Variants in ITFG1 observed in about 807,000 individuals in gnomAD.
The protein encoded by ITFG1 is T-cell immunomodulatory protein.
A neutral mutation model predicts 81.8 loss-of-function variants in ITFG1; 34 were observed. That is an observed-to-expected ratio of 0.42 (90% CI 0.32 to 0.55). The LOEUF (loss-of-function observed/expected upper bound fraction) is 0.55, where lower values mean the gene tolerates loss of function less well. Among genes scored for constraint, ITFG1 ranks in the 20% least tolerant of loss-of-function variants. The pLI is 0.17. For synonymous variants in ITFG1, 285 were observed against 270.6 expected (o/e 1.05, Z -0.52); for missense variants, 672 against 755.4 (o/e 0.89, Z 1.29).
intron 12 of ITFG1, 103 bp downstream of exon 12, chr16:47,258,529 C>A: frequency 1.6e-6 from 1 of 634,952 alleles, no homozygotes. Context: ...ACTGGTTGAT[C>A]TGATCTAGAG....
intron 14 of ITFG1, among the ~76,000 whole-genome samples, chr16:47,194,299 G>A (rs576701331): frequency 6.6e-6 from 1 of 152,310 alleles, no homozygotes; most frequent in East Asian, 1.9e-4. Context: ...ATTTTCAAAT[G>A]TATATGTCTG....
intron 14 of ITFG1, among the ~76,000 whole-genome samples, chr16:47,217,838 T>C (rs1298014538): frequency 1.3e-5 from 2 of 152,126 alleles, no homozygotes; most frequent in Non-Finnish European, 2.9e-5. Flanking sequence ...GGCAGGAGAA[T>C]GGCGGGAACC....
chr16:47,279,413 G>A (rs1417941994), intron 10 of ITFG1, among the ~76,000 whole-genome samples: 2 of 151,900 alleles, frequency 1.3e-5, no homozygotes, highest in Non-Finnish European at 2.9e-5. Flanking sequence ...TTGAAAAAGA[G>A]ACTACACTTC....
intron 12 of ITFG1, among the ~76,000 whole-genome samples, chr16:47,257,023 A>C (rs1013708817): frequency 6.6e-6 from 1 of 152,216 alleles, no homozygotes; most frequent in African/African-American, 2.4e-5. Flanking sequence ...CAAAGCATCT[A>C]CCAAAAAACT....
At chr16:47,424,971 G>C (rs1395774974) in intron 6 of ITFG1, among the ~76,000 whole-genome samples, 2 of 152,188 alleles carry the variant, frequency 1.3e-5, no homozygotes, top group Non-Finnish European at 2.9e-5. Context: ...TCTCTTCAGA[G>C]CTGTCAGACA....
intron 14 of ITFG1, among the ~76,000 whole-genome samples, chr16:47,176,857 G>GT: frequency 1.3e-5 from 2 of 152,048 alleles, no homozygotes; most frequent in Admixed American, 1.3e-4. Flanking sequence ...TTTGATAAGT[G>GT]ATAAAATTAA....
At chr16:47,298,512 T>C (rs975589169) in intron 10 of ITFG1, among the ~76,000 whole-genome samples, 2 of 152,164 alleles carry the variant, frequency 1.3e-5, no homozygotes, top group African/African-American at 4.8e-5. Flanking sequence ...ACTATGATGT[T>C]ATGTAGGGCT....
chr16:47,292,612 T>G (rs954591133), intron 10 of ITFG1, among the ~76,000 whole-genome samples: 1 of 152,190 alleles, frequency 6.6e-6, no homozygotes, highest in Admixed American at 6.5e-5. Context: ...ATCACTTGAA[T>G]AGTGTACATT....
At chr16:47,456,058 G>A (rs568488033) in intron 2 of ITFG1, among the ~76,000 whole-genome samples, 15 of 152,078 alleles carry the variant, frequency 9.9e-5, no homozygotes, top group Non-Finnish European at 1.8e-4. Flanking sequence ...AGCATAATAA[G>A]TAAAGAATAA....
At chr16:47,319,549 A>G (rs962369822) in intron 8 of ITFG1, among the ~76,000 whole-genome samples, 2 of 152,220 alleles carry the variant, frequency 1.3e-5, no homozygotes, top group African/African-American at 4.8e-5. Flanking sequence ...TGTTTTACGC[A>G]TATTTTCCAA....
chr16:47,389,447 A>G (rs1968503990), intron 6 of ITFG1, among the ~76,000 whole-genome samples: 1 of 152,224 alleles, frequency 6.6e-6, no homozygotes, highest in African/African-American at 2.4e-5. Flanking sequence ...GCAATGGACC[A>G]AGAAAATGAC....
chr16:47,223,826 C>T (rs530075433), intron 13 of ITFG1, among the ~76,000 whole-genome samples: 14 of 152,160 alleles, frequency 9.2e-5, no homozygotes, highest in East Asian at 3.9e-4. Context: ...AAATGTCCAA[C>T]GATGATAGAC....
At chr16:47,303,973 T>C (rs190883327) in intron 10 of ITFG1, among the ~76,000 whole-genome samples, 1 of 152,250 alleles carries the variant, frequency 6.6e-6, no homozygotes, top group East Asian at 1.9e-4. Flanking sequence ...ATTCTACCCT[T>C]ACTTAAATTA....
At chr16:47,179,400 C>G (rs1049590419) in intron 14 of ITFG1, among the ~76,000 whole-genome samples, 7 of 152,016 alleles carry the variant, frequency 4.6e-5, no homozygotes, top group South Asian at 2.1e-4. Context: ...TGCAGCACAC[C>G]AACATGGCAC....
At chr16:47,188,624 G>C (rs1185563173) in intron 14 of ITFG1, among the ~76,000 whole-genome samples, 3 of 106,282 alleles carry the variant, frequency 2.8e-5, no homozygotes, top group South Asian at 8.8e-4. Flanking sequence ...GGGGTGGGGG[G>C]AGGGGGGAGG....
At chr16:47,375,542 T>C (rs1448467653) in intron 7 of ITFG1, among the ~76,000 whole-genome samples, 1 of 152,222 alleles carries the variant, frequency 6.6e-6, no homozygotes, top group African/African-American at 2.4e-5. Flanking sequence ...TAAAATAGTT[T>C]TTTTTCATAA....
intron 14 of ITFG1, among the ~76,000 whole-genome samples, chr16:47,198,368 A>G (rs2151519744): frequency 6.6e-6 from 1 of 152,318 alleles, no homozygotes; most frequent in Non-Finnish European, 1.5e-5. Context: ...CTTAGCTGTC[A>G]TGATGTCATA....
chr16:47,182,828 G>A (rs1318051416), intron 14 of ITFG1, among the ~76,000 whole-genome samples: 1 of 152,212 alleles, frequency 6.6e-6, no homozygotes, highest in African/African-American at 2.4e-5. Context: ...CGCAGAAGAC[G>A]GGTGATTTCT....
chr16:47,187,237 T>C (rs1456231494), intron 14 of ITFG1, among the ~76,000 whole-genome samples: 2 of 152,210 alleles, frequency 1.3e-5, no homozygotes, highest in East Asian at 3.9e-4. Context: ...CCAATGACTT[T>C]CTTCACAGAA....
Sources: gnomAD v4.1 joint callset for allele counts (sites outside exome capture counted in the v4.1 genomes callset) on GRCh38, gnomAD v4.1.1 for gene constraint, MANE v1.5 for transcripts, NCBI Gene and HGNC (gene_info 2026-07-23, HGNC 2026-07-21) for gene names.